The following NRN1 variants were observed in gnomAD, a reference collection of about 807,000 sequenced individuals.
NRN1 encodes the protein neuritin 1.
Under a neutral mutation model 15.0 loss-of-function variants are expected in NRN1, and 4 were observed. The observed-to-expected ratio is 0.27, with a 90% CI of 0.13 to 0.61. The LOEUF (loss-of-function observed/expected upper bound fraction) is 0.61, where lower values mean the gene tolerates loss of function less well. Among genes scored for constraint, NRN1 ranks in the 20% least tolerant of loss-of-function variants. The pLI is 0.87. For missense variants in NRN1, 134 were observed against 181.9 expected (o/e 0.74, Z 1.51); for synonymous variants, 85 against 79.8 (o/e 1.07, Z -0.35).
intron 2 of NRN1, 74 bp downstream of exon 2, chr6:6,002,279 G>T: frequency 6.5e-7 from 1 of 1,544,744 alleles, no homozygotes; most frequent in Non-Finnish European, 8.9e-7. Flanking sequence ...GAGCGCAGGC[G>T]GGGAGGCTCG....
chr6:6,004,511 G>A (rs1219482189), intron 1 of NRN1, among the ~76,000 whole-genome samples: 1 of 152,220 alleles, frequency 6.6e-6, no homozygotes, highest in Non-Finnish European at 1.5e-5. Context: ...CTCGCCGGGG[G>A]CGGGAGCGCT....
At chr6:6,004,712 G>A (rs1758062255) in intron 1 of NRN1, among the ~76,000 whole-genome samples, 1 of 152,206 alleles carries the variant, frequency 6.6e-6, no homozygotes, top group Non-Finnish European at 1.5e-5. Flanking sequence ...CGTCCCAGCA[G>A]GTCGCAGCCC....
Position 6,006,684 on chromosome 6 carries a change from C to T in NRN1, c.55+11G>A. 2.0e-5 allele frequency: 32 copies of T among 1,613,322 alleles called. No homozygotes were observed. Among genetic ancestry groups the T allele is most frequent in the Non-Finnish European group, 2.5e-5 (29 of 1,179,316 alleles). ...GCCTCCAGCCTCCAGCCGGGCTGAG[C>T]GGCCACTTACCTATTTGCACCGCGA... On this transcript the variant is annotated intron_variant, in intron 1 of 2. Transcript: ENST00000244766.
rs1216611228 is a variant in NRN1 at position 6,000,748 on chromosome 6, TA to T, written c.201-1545del. ...TTTTTTTTTTTTTTTTTTTTTTTTT[TA>T]TGTACGCCCAGATGAGGGCAGAGTT... On this transcript the variant is annotated intron_variant, in intron 2 of 2. Coordinates refer to ENST00000244766, the MANE Select transcript of NRN1 (RefSeq NM_016588.3). Among the ~76,000 whole-genome samples the T allele has an allele frequency of 3.5e-4, 35 of 99,090 alleles. 1 individual carries two copies. Among genetic ancestry groups the T allele is most frequent in the South Asian group, 1.6e-3 (4 of 2,484 alleles). 65.0% of individuals were successfully genotyped at this position (99,090 alleles called of 152,430 possible).
At chr6:6,004,428 T>C (rs1758054358) in intron 1 of NRN1, among the ~76,000 whole-genome samples, 1 of 152,096 alleles carries the variant, frequency 6.6e-6, no homozygotes, top group Non-Finnish European at 1.5e-5. Flanking sequence ...CCCCACCCCT[T>C]GCCTACACCC....
At chr6:6,002,559 T>G in intron 1 of NRN1, 62 bp from the exon 2 acceptor site, 1 of 1,576,968 alleles carries the variant, frequency 6.3e-7, no homozygotes, top group Middle Eastern at 1.7e-4. Context: ...CCCACTGCCC[T>G]TTCCTGCGAG....
At chr6:6,000,722 C>CTTTTTTTTTTTTTTTT (rs55712329) in intron 2 of NRN1, among the ~76,000 whole-genome samples, 1 of 60,816 alleles carries the variant, frequency 1.6e-5, no homozygotes, top group Non-Finnish European at 3.0e-5. Flanking sequence ...CTAAATTGCT[C>CTTTTTTTTTTTTTTTT]TTTTTTTTTT....
intron 2 of NRN1, among the ~76,000 whole-genome samples, chr6:6,002,017 T>C (rs1474109898): frequency 6.6e-6 from 1 of 152,228 alleles, no homozygotes; most frequent in Non-Finnish European, 1.5e-5. Context: ...GCACCAAGAT[T>C]TTGTAGCAAT....
At chr6:6,003,916 T>C in intron 1 of NRN1, 2 of 1,229,446 alleles carry the variant, frequency 1.6e-6, no homozygotes, top group Admixed American at 4.2e-5. Context: ...TCGGCAGCTT[T>C]CTGGCGGCTG....
At chr6:6,005,575 A>G (rs529863879) in intron 1 of NRN1, among the ~76,000 whole-genome samples, 44 of 152,188 alleles carry the variant, frequency 2.9e-4, no homozygotes, top group Admixed American at 5.2e-4. Flanking sequence ...CATATTATGC[A>G]TTCTCCTTTC....
chr6:5,999,295 G>A, intron 2 of NRN1, 91 bp from the exon 3 acceptor site: 2 of 1,156,696 alleles, frequency 1.7e-6, no homozygotes, highest in Non-Finnish European at 2.5e-6. Flanking sequence ...CCCCGCTGGC[G>A]GCCCCGCCAA....
intron 2 of NRN1, among the ~76,000 whole-genome samples, chr6:6,001,988 A>C (rs187774254): frequency 1.3e-5 from 2 of 152,372 alleles, no homozygotes; most frequent in Admixed American, 1.3e-4. Flanking sequence ...AGATTGCTAC[A>C]AGGCAGAGAG....
intron 1 of NRN1, among the ~76,000 whole-genome samples, chr6:6,004,513 G>A (rs961510149): frequency 2.0e-5 from 3 of 152,208 alleles, no homozygotes; most frequent in African/African-American, 4.8e-5. Context: ...CGCCGGGGGC[G>A]GGAGCGCTCT....
intron 2 of NRN1, among the ~76,000 whole-genome samples, chr6:6,002,097 C>A (rs1169224734): frequency 3.9e-5 from 6 of 152,240 alleles, no homozygotes; most frequent in Non-Finnish European, 7.3e-5. Context: ...TGAGAGGCCG[C>A]GTAGAGCTGG....
intron 1 of NRN1, among the ~76,000 whole-genome samples, chr6:6,006,190 A>T (rs1399859934): frequency 6.6e-6 from 1 of 152,024 alleles, no homozygotes; most frequent in Non-Finnish European, 1.5e-5. Context: ...CGCTGCAGCT[A>T]GGATATAGGG....
intron 1 of NRN1, chr6:6,002,911 C>A: frequency 2.6e-6 from 1 of 387,040 alleles, no homozygotes; most frequent in East Asian, 3.9e-5. Flanking sequence ...ACAGCTCTCG[C>A]AATGCGATCT....
At chr6:6,000,483 T>G (rs545638110) in intron 2 of NRN1, among the ~76,000 whole-genome samples, 2 of 152,316 alleles carry the variant, frequency 1.3e-5, no homozygotes, top group South Asian at 4.1e-4. Flanking sequence ...CACAGGCACC[T>G]GCCTTCTACA....
chr6:6,000,978 C>G (rs540367526), intron 2 of NRN1, among the ~76,000 whole-genome samples: 1 of 152,220 alleles, frequency 6.6e-6, no homozygotes, highest in African/African-American at 2.4e-5. Flanking sequence ...TAAACAAGTT[C>G]CACCAAATGA....
intron 1 of NRN1, among the ~76,000 whole-genome samples, chr6:6,006,388 C>T (rs1758109885): frequency 6.6e-6 from 1 of 152,162 alleles, no homozygotes; most frequent in Non-Finnish European, 1.5e-5. Context: ...CAGAGCGCAC[C>T]AAACCTGGTA....
Sources: allele counts gnomAD v4.1 joint callset (sites outside exome capture counted in the v4.1 genomes callset), GRCh38; gene constraint gnomAD v4.1.1; transcripts MANE v1.5; gene names NCBI Gene and HGNC (gene_info 2026-07-23, HGNC 2026-07-21).